Variants in GRIK2 observed in about 807,000 individuals in gnomAD.
The protein encoded by GRIK2 is glutamate receptor ionotropic, kainate 2.
GRIK2 carries 32 observed loss-of-function variants against 100.3 expected under a neutral mutation model. That is an observed-to-expected ratio of 0.32 (90% CI 0.24 to 0.43). The LOEUF (loss-of-function observed/expected upper bound fraction) is 0.43. GRIK2 is among the 20% of genes least tolerant of loss of function. The pLI, the probability that GRIK2 is intolerant of heterozygous loss-of-function variation, is 1.00. For synonymous variants in GRIK2, 417 were observed against 389.4 expected (o/e 1.07, Z -0.83); for missense variants, 843 against 1,114.9 (o/e 0.76, Z 3.47).
chr6:101,481,683 C>T (rs1184176547), intron 2 of GRIK2, among the ~76,000 whole-genome samples: 2 of 151,972 alleles, frequency 1.3e-5, no homozygotes, highest in Non-Finnish European at 2.9e-5. Flanking sequence ...CAAGATTAAC[C>T]TAAGAAGTAT....
intron 7 of GRIK2, among the ~76,000 whole-genome samples, chr6:101,710,695 C>T (rs1773639427): frequency 6.6e-6 from 1 of 151,814 alleles, no homozygotes; most frequent in Non-Finnish European, 1.5e-5. Context: ...TTCAATCCTA[C>T]AGTTTCCTTC....
intron 10 of GRIK2, among the ~76,000 whole-genome samples, chr6:101,820,268 T>C (rs1781874458): frequency 6.6e-6 from 1 of 152,218 alleles, no homozygotes; most frequent in Non-Finnish European, 1.5e-5. Context: ...TTATGTCTTC[T>C]GTTTCTATAC....
chr6:101,745,317 C>T (rs1312620626), intron 7 of GRIK2, among the ~76,000 whole-genome samples: 5 of 152,094 alleles, frequency 3.3e-5, no homozygotes, highest in East Asian at 1.9e-4. Context: ...ATAACCTTCA[C>T]ATCACATTGA....
At chr6:101,556,099 C>T (rs949980165) in intron 2 of GRIK2, among the ~76,000 whole-genome samples, 5 of 151,726 alleles carry the variant, frequency 3.3e-5, no homozygotes, top group Admixed American at 6.6e-5. Context: ...ATCACAGATG[C>T]GTCTCTAAAT....
Position 101,826,650 on chromosome 6 carries a change from T to C in GRIK2, c.1317+8167T>C, listed in dbSNP as rs142779386. Reference sequence around the variant, plus strand: ...ACAATGAAATAGTACATTTGATTGATTCAAACTTCAGCTTTTTCTTTCTTA... The same window carrying C: ...ACAATGAAATAGTACATTTGATTGACTCAAACTTCAGCTTTTTCTTTCTTA... On this transcript the variant is annotated intron_variant, in intron 10 of 16. Transcript: ENST00000369134. Among the ~76,000 whole-genome samples the C allele has an allele frequency of 5.2e-3, 791 of 152,162 alleles. 7 individuals are homozygous for C. Among genetic ancestry groups the C allele is most frequent in the African/African-American group, 0.018 (750 of 41,548 alleles).
intron 14 of GRIK2, among the ~76,000 whole-genome samples, chr6:102,006,888 A>G (rs1795270384): frequency 6.6e-6 from 1 of 152,114 alleles, no homozygotes; most frequent in Admixed American, 6.6e-5. Flanking sequence ...ACATTTGACA[A>G]AAAATAAATG....
At chr6:101,513,165 A>T (rs1028879091) in intron 2 of GRIK2, among the ~76,000 whole-genome samples, 3 of 152,138 alleles carry the variant, frequency 2.0e-5, no homozygotes, top group African/African-American at 7.2e-5. Context: ...TGAGACATCA[A>T]TCAAATACAT....
chr6:101,398,733 G>C (rs1454135232), intron 1 of GRIK2: 2 of 330,492 alleles, frequency 6.1e-6, no homozygotes. Context: ...AAGGCGGGCT[G>C]TCAGATCGGT....
intron 5 of GRIK2, among the ~76,000 whole-genome samples, chr6:101,678,869 T>A (rs1013686032): frequency 6.6e-6 from 1 of 152,208 alleles, no homozygotes; most frequent in Non-Finnish European, 1.5e-5. Flanking sequence ...TTAAACTGAT[T>A]GAGCTTTTAC....
intron 12 of GRIK2, among the ~76,000 whole-genome samples, chr6:101,920,613 T>C (rs1481244082): frequency 6.6e-6 from 1 of 151,914 alleles, no homozygotes; most frequent in Non-Finnish European, 1.5e-5. Flanking sequence ...TACTGAATGG[T>C]AGTACTGGGT....
chr6:101,404,803 T>C (rs1775510787), intron 2 of GRIK2, among the ~76,000 whole-genome samples: 1 of 152,210 alleles, frequency 6.6e-6, no homozygotes, highest in South Asian at 2.1e-4. Flanking sequence ...TTGAATCTTC[T>C]ACCCTAAATC....
At chr6:101,467,639 T>G (rs1385138042) in intron 2 of GRIK2, among the ~76,000 whole-genome samples, 2 of 152,204 alleles carry the variant, frequency 1.3e-5, no homozygotes, top group Non-Finnish European at 2.9e-5. Context: ...CAAAAATTTG[T>G]GTTAGAACAC....
chr6:101,919,614 C>T (rs538393146), intron 12 of GRIK2, among the ~76,000 whole-genome samples: 2 of 151,762 alleles, frequency 1.3e-5, no homozygotes, highest in South Asian at 4.2e-4. Flanking sequence ...TTGTAATCAT[C>T]AGTATAGAAG....
intron 2 of GRIK2, among the ~76,000 whole-genome samples, chr6:101,564,883 T>C (rs1327982040): frequency 6.6e-6 from 1 of 152,114 alleles, no homozygotes; most frequent in African/African-American, 2.4e-5. Context: ...ACTCTGCCAA[T>C]ACAACACTGT....
At chr6:101,639,620 A>ATACC (rs923302849) in intron 4 of GRIK2, among the ~76,000 whole-genome samples, 1 of 152,086 alleles carries the variant, frequency 6.6e-6, no homozygotes, top group African/African-American at 2.4e-5. Context: ...ACATACATAC[A>ATACC]TACATACACA....
intron 12 of GRIK2, among the ~76,000 whole-genome samples, chr6:101,919,737 T>C (rs1417717017): frequency 6.6e-6 from 1 of 151,792 alleles, no homozygotes; most frequent in Non-Finnish European, 1.5e-5. Flanking sequence ...CAAGGGTGCA[T>C]GTCAGAAGTT....
intron 7 of GRIK2, among the ~76,000 whole-genome samples, chr6:101,719,813 T>C (rs1774349386): frequency 1.3e-5 from 2 of 152,130 alleles, no homozygotes; most frequent in African/African-American, 4.8e-5. Flanking sequence ...TCCCATTTAA[T>C]AGTCCATTGA....
intron 2 of GRIK2, among the ~76,000 whole-genome samples, chr6:101,536,858 T>A (rs777228698): frequency 2.0e-5 from 3 of 151,892 alleles, no homozygotes; most frequent in South Asian, 2.1e-4. Flanking sequence ...CTAGTTTTAA[T>A]CAATGTCCCA....
At chr6:101,945,423 A>C (rs760746715) in intron 14 of GRIK2, among the ~76,000 whole-genome samples, 2 of 152,142 alleles carry the variant, frequency 1.3e-5, no homozygotes, top group Non-Finnish European at 2.9e-5. Flanking sequence ...CCATTCTAAC[A>C]GAGGGCAATG....
Sources: gnomAD v4.1 joint callset for allele counts (sites outside exome capture counted in the v4.1 genomes callset) on GRCh38, gnomAD v4.1.1 for gene constraint, MANE v1.5 for transcripts, NCBI Gene and HGNC (gene_info 2026-07-23, HGNC 2026-07-21) for gene names.